RBFOX1: variants seen among roughly 807,000 people sequenced by gnomAD.
RBFOX1 encodes the protein RNA binding fox-1 homolog 1, also known as RNA binding protein fox-1 homolog 1.
RBFOX1 carries 8 observed loss-of-function variants against 57.7 expected under a neutral mutation model. The ratio of observed to expected loss-of-function variants is 0.14; its 90% CI spans 0.08 to 0.25. The LOEUF (loss-of-function observed/expected upper bound fraction) is 0.25, where lower values mean the gene tolerates loss of function less well. Ranked by LOEUF, RBFOX1 falls within the 10% of genes least tolerant of loss-of-function variation. RBFOX1 has a pLI of 1.00. For missense variants in RBFOX1, 611 were observed against 548.5 expected (o/e 1.11, Z -1.14); for synonymous variants, 326 against 222.4 (o/e 1.47, Z -4.15).
intron 2 of RBFOX1, among the ~76,000 whole-genome samples, chr16:6,489,109 A>AT (rs902195616): frequency 3.2e-4 from 49 of 151,968 alleles, no homozygotes; most frequent in Admixed American, 7.9e-4. Context: ...AAAGTGCCCT[A>AT]TTTTTTTCCA....
chr16:6,947,104 G>T (rs1358788017), intron 3 of RBFOX1, among the ~76,000 whole-genome samples: 1 of 152,158 alleles, frequency 6.6e-6, no homozygotes, highest in East Asian at 1.9e-4. Flanking sequence ...AGGATTTAAT[G>T]GGATAAGATC....
At chr16:5,822,154 A>G (rs755688056) in intron 3 of RBFOX1, among the ~76,000 whole-genome samples, 1 of 152,226 alleles carries the variant, frequency 6.6e-6, no homozygotes, top group Non-Finnish European at 1.5e-5. Flanking sequence ...GAAATTAGAG[A>G]CTATTATTCT....
chr16:6,924,682 AATTTT>A (rs1044264886), intron 3 of RBFOX1, among the ~76,000 whole-genome samples: 15 of 150,518 alleles, frequency 1.0e-4, no homozygotes, highest in African/African-American at 3.4e-4. Context: ...TTTTTTTTTT[AATTTT>A]ATTATTATTA....
chr16:7,217,911 TGTGTGTGAGTGTAG>T (rs1389338612), intron 4 of RBFOX1, among the ~76,000 whole-genome samples: 10 of 151,714 alleles, frequency 6.6e-5, no homozygotes, highest in African/African-American at 2.4e-4. Flanking sequence ...TGTGCATGTG[TGTGTGTGAGTGTAG>T]GTGTGTGCGT....
intron 2 of RBFOX1, among the ~76,000 whole-genome samples, chr16:6,531,603 C>T (rs941332515): frequency 5.3e-5 from 8 of 152,072 alleles, no homozygotes; most frequent in African/African-American, 1.9e-4. Context: ...ATAAAAGTGG[C>T]CTTAATGTTC....
chr16:5,368,589 G>A (rs1221585233), intron 1 of RBFOX1, among the ~76,000 whole-genome samples: 1 of 152,136 alleles, frequency 6.6e-6, no homozygotes, highest in Admixed American at 6.5e-5. Context: ...GATTTAACAA[G>A]CTGCACTACA....
At chr16:5,985,251 C>T (rs980857280) in intron 4 of RBFOX1, among the ~76,000 whole-genome samples, 1 of 151,780 alleles carries the variant, frequency 6.6e-6, no homozygotes, top group Non-Finnish European at 1.5e-5. Flanking sequence ...CTCGGCCTCC[C>T]AAAGTGGTGG....
rs148101054 is a variant in RBFOX1 at position 6,935,134 on chromosome 16, G to T, written c.-15-116923G>T. 1.6e-3 allele frequency among the ~76,000 whole-genome samples: 251 copies of T among 152,122 alleles called. 1 individual carries two copies. Among genetic ancestry groups the T allele is most frequent in the African/African-American group, 5.7e-3 (237 of 41,502 alleles). On this transcript the variant is annotated intron_variant, in intron 3 of 15. Coordinates refer to ENST00000550418, the MANE Select transcript of RBFOX1 (RefSeq NM_018723.4). ...AAAAAACAGCTTATTTAACCTATTCGAGTGACCTTGAGCTATATGCCTATC... is the reference window on the plus strand; with the variant it reads ...AAAAAACAGCTTATTTAACCTATTCTAGTGACCTTGAGCTATATGCCTATC...
At chr16:7,473,359 CAGAG>C (rs1293277015) in intron 4 of RBFOX1, among the ~76,000 whole-genome samples, 1 of 150,244 alleles carries the variant, frequency 6.7e-6, no homozygotes, top group Non-Finnish European at 1.5e-5. Context: ...ACCTGGGTGA[CAGAG>C]AGAGACTTGG....
chr16:7,577,116 T>C (rs970202719), intron 5 of RBFOX1, among the ~76,000 whole-genome samples: 1 of 152,222 alleles, frequency 6.6e-6, no homozygotes, highest in Non-Finnish European at 1.5e-5. Flanking sequence ...GATTGTACAC[T>C]TCTTCATGCA....
At chr16:5,345,511 C>T (rs1462155881) in intron 1 of RBFOX1, among the ~76,000 whole-genome samples, 1 of 152,210 alleles carries the variant, frequency 6.6e-6, no homozygotes, top group African/African-American at 2.4e-5. Context: ...AGCCCCCAAG[C>T]CCTGGGGCAC....
chr16:7,192,866 T>A (rs1360097370), intron 4 of RBFOX1, among the ~76,000 whole-genome samples: 1 of 152,152 alleles, frequency 6.6e-6, no homozygotes, highest in Non-Finnish European at 1.5e-5. Flanking sequence ...AGTCCGAGGA[T>A]CATGTGCTTA....
intron 3 of RBFOX1, among the ~76,000 whole-genome samples, chr16:6,695,544 C>T (rs68135834): frequency 0.061 from 9,236 of 151,770 alleles, 330 homozygotes; most frequent in African/African-American, 0.093. Context: ...CTTAAGTGGC[C>T]GACGCGCCTA....
intron 1 of RBFOX1, among the ~76,000 whole-genome samples, chr16:6,193,157 T>A (rs911216425): frequency 2.0e-5 from 3 of 151,672 alleles, no homozygotes; most frequent in Admixed American, 1.3e-4. Context: ...AATGTGTTCA[T>A]CCTATGTCCT....
At chr16:6,030,613 G>A (rs572577929) in intron 1 of RBFOX1, among the ~76,000 whole-genome samples, 5 of 152,134 alleles carry the variant, frequency 3.3e-5, no homozygotes, top group African/African-American at 1.2e-4. Flanking sequence ...ATATAAGGTA[G>A]GTGAACATTG....
At chr16:6,660,887 T>C (rs2098697238) in intron 3 of RBFOX1, among the ~76,000 whole-genome samples, 1 of 152,146 alleles carries the variant, frequency 6.6e-6, no homozygotes, top group Admixed American at 6.5e-5. Context: ...CAATGGGACC[T>C]AGTAGGCCTT....
chr16:6,262,217 A>G (rs2097705819), intron 1 of RBFOX1, among the ~76,000 whole-genome samples: 1 of 152,082 alleles, frequency 6.6e-6, no homozygotes, highest in African/African-American at 2.4e-5. Flanking sequence ...TCATACCCTC[A>G]TTCAGATGGG....
chr16:7,704,466 C>T (rs1488429899), intron 14 of RBFOX1, among the ~76,000 whole-genome samples: 1 of 152,164 alleles, frequency 6.6e-6, no homozygotes, highest in Admixed American at 6.6e-5. Flanking sequence ...GAGCAGCTGA[C>T]CCAGAGTCTT....
At chr16:6,565,159 G>A (rs937726558) in intron 2 of RBFOX1, among the ~76,000 whole-genome samples, 8 of 149,972 alleles carry the variant, frequency 5.3e-5, no homozygotes, top group African/African-American at 1.9e-4. Flanking sequence ...TTGCAACAGG[G>A]AAGGTAAACT....
Sources: allele counts gnomAD v4.1 joint callset (sites outside exome capture counted in the v4.1 genomes callset), GRCh38; gene constraint gnomAD v4.1.1; transcripts MANE v1.5; gene names NCBI Gene and HGNC (gene_info 2026-07-23, HGNC 2026-07-21).